ERICH6B: variants seen among roughly 807,000 people sequenced by gnomAD.
ERICH6B encodes glutamate rich 6B.
A neutral mutation model predicts 80.0 loss-of-function variants in ERICH6B; 69 were observed. That is an observed-to-expected ratio of 0.86 (90% confidence interval 0.71 to 1.05). The LOEUF (loss-of-function observed/expected upper bound fraction) is 1.05, where lower values mean the gene tolerates loss of function less well. ERICH6B is among the 50% of genes least tolerant of loss of function. The probability of loss-of-function intolerance (pLI) is 0.00; values close to 1 mark genes in which losing one functional copy is unlikely to be tolerated. For synonymous variants in ERICH6B, 283 were observed against 291.9 expected (o/e 0.97, Z 0.31); for missense variants, 754 against 796.1 (o/e 0.95, Z 0.64).
intron 10 of ERICH6B, 54 bp downstream of exon 10, chr13:45,563,673 G>T: frequency 1.4e-6 from 2 of 1,446,636 alleles, no homozygotes; most frequent in Admixed American, 2.0e-5. Flanking sequence ...GAGAGGCGGT[G>T]GGATGCAGAC....
chr13:45,559,057 T>G (rs929459653), intron 11 of ERICH6B, among the ~76,000 whole-genome samples: 2 of 151,988 alleles, frequency 1.3e-5, no homozygotes, highest in African/African-American at 4.8e-5. Context: ...TAGTAATTTT[T>G]AAAATTACCA....
chr13:45,578,215 A>T (rs1397571019), intron 7 of ERICH6B, among the ~76,000 whole-genome samples: 1 of 152,178 alleles, frequency 6.6e-6, no homozygotes, highest in Non-Finnish European at 1.5e-5. Context: ...CATCTTTAGC[A>T]AGAATCCCAT....
At chr13:45,608,767 T>A (rs192732633) in intron 1 of ERICH6B, among the ~76,000 whole-genome samples, 1 of 152,374 alleles carries the variant, frequency 6.6e-6, no homozygotes, top group East Asian at 1.9e-4. Context: ...GATGAGATAT[T>A]CATTAAGTTA....
chr13:45,566,191 C>T (rs1874905595), intron 9 of ERICH6B, among the ~76,000 whole-genome samples: 1 of 152,228 alleles, frequency 6.6e-6, no homozygotes, highest in Non-Finnish European at 1.5e-5. Flanking sequence ...CAAGAGGTGA[C>T]TTGGGTGCTG....
At chr13:45,575,801 G>A (rs1387129612) in intron 7 of ERICH6B, among the ~76,000 whole-genome samples, 1 of 152,138 alleles carries the variant, frequency 6.6e-6, no homozygotes, top group African/African-American at 2.4e-5. Context: ...GGGAGCCTGG[G>A]TGCAAGCTGA....
chr13:45,579,902 GA>G, intron 7 of ERICH6B, 30 bp downstream of exon 7: 1 of 1,550,968 alleles, frequency 6.4e-7, no homozygotes, highest in Non-Finnish European at 8.7e-7. Context: ...AGAAAGCAGG[GA>G]TCTTTGGATG....
chr13:45,570,463 A>G (rs769918272), intron 8 of ERICH6B, among the ~76,000 whole-genome samples: 2 of 152,200 alleles, frequency 1.3e-5, no homozygotes, highest in Non-Finnish European at 2.9e-5. Flanking sequence ...ACGTGATAGT[A>G]AATTAAAAAT....
intron 5 of ERICH6B, among the ~76,000 whole-genome samples, chr13:45,583,000 A>C (rs1875738072): frequency 6.6e-6 from 1 of 152,160 alleles, no homozygotes. Flanking sequence ...ATTCCTCAAA[A>C]ACCAGAAGCA....
At chr13:45,550,895 C>T (rs1874195275) in intron 11 of ERICH6B, among the ~76,000 whole-genome samples, 1 of 152,176 alleles carries the variant, frequency 6.6e-6, no homozygotes, top group South Asian at 2.1e-4. Context: ...CTCATCTTAA[C>T]TCATTACATC....
At chr13:45,583,691 A>C (rs2138005239) in intron 5 of ERICH6B, among the ~76,000 whole-genome samples, 1 of 152,244 alleles carries the variant, frequency 6.6e-6, no homozygotes, top group South Asian at 2.1e-4. Context: ...AGTGATGAAT[A>C]AGTCTCATGG....
intron 14 of ERICH6B, 36 bp downstream of exon 14, chr13:45,544,719 GCACCC>G: frequency 6.6e-7 from 1 of 1,521,204 alleles, no homozygotes; most frequent in Middle Eastern, 1.8e-4. Context: ...GTACAGGTGG[GCACCC>G]CACCTGGTGG....
chr13:45,608,319 A>G, intron 1 of ERICH6B, among the ~76,000 whole-genome samples: 1 of 152,182 alleles, frequency 6.6e-6, no homozygotes, highest in South Asian at 2.1e-4. Context: ...TGGAGATGGC[A>G]TTTGCTTATT....
intron 2 of ERICH6B, among the ~76,000 whole-genome samples, chr13:45,606,533 ATATATATATATATATTTTTTTTT>A (rs1566307823): frequency 0.2 from 5,924 of 30,240 alleles, 425 homozygotes; most frequent in Non-Finnish European, 0.25. Context: ...ATATATATAT[ATATATATATATATATTTTTTTTT>A]TTTTTTTTTT....
chr13:45,550,283 G>C lies in ERICH6B; in HGVS notation c.1441C>G (p.Pro481Ala). 6.4e-7 allele frequency: 1 copy of C among 1,551,578 alleles called. No homozygotes were observed. The highest frequency in any genetic ancestry group is 1.2e-5 in the South Asian group (1 of 84,052). ...AGAATTTGATAGACATTCTTGTTGG[G>C]GTAGAGAATTAATTTTCCATCACCT... ...HQGDGKLILY[P>A]NKNVYQILFP... The change falls in exon 12 of 15, where the codon CCC becomes GCC. Residue 481 changes from proline (P) to alanine (A), a missense_variant. Coordinates refer to ENST00000298738, the MANE Select transcript of ERICH6B (RefSeq NM_182542.3).
intron 7 of ERICH6B, 106 bp from the exon 8 acceptor site, chr13:45,575,036 C>T (rs1174886881): frequency 2.7e-6 from 2 of 739,612 alleles, no homozygotes; most frequent in African/African-American, 3.6e-5. Context: ...TTTACCTTTG[C>T]CCTTCCAAAA....
Position 45,596,947 on chromosome 13 carries a change from G to T in ERICH6B, c.59C>A (p.Pro20His). ...GASPPHPPTT[P>H]QYSTQNLPSE... is the part of the protein sequence containing the mutation. ...AGGCAAGTTCTGTGTGGAATATTGG[G>T]GAGTTGTGGGAGGGTGAGGAGGTGA... Residue 20 changes from proline (P) to histidine (H), a missense_variant, in exon 3 of 15, where the codon CCC becomes CAC. By Grantham distance (77) the Pro-to-His change is moderately conservative. Transcript: ENST00000298738. 2 of 1,551,752 alleles carry T rather than the reference G, an allele frequency of 1.3e-6. No individual in the cohort carries two copies. The highest frequency in any genetic ancestry group is 1.7e-6 in the Non-Finnish European group (2 of 1,147,004).
At chr13:45,612,262 A>G (rs1412984561) in intron 1 of ERICH6B, among the ~76,000 whole-genome samples, 2 of 152,048 alleles carry the variant, frequency 1.3e-5, no homozygotes, top group Non-Finnish European at 2.9e-5. Context: ...ATAAACATTT[A>G]TTGAGGACTT....
chr13:45,562,869 G>A (rs548737606), intron 10 of ERICH6B, among the ~76,000 whole-genome samples: 1 of 152,334 alleles, frequency 6.6e-6, no homozygotes, highest in South Asian at 2.1e-4. Context: ...TCAGGGGCAT[G>A]AATTGGTACT....
intron 7 of ERICH6B, among the ~76,000 whole-genome samples, chr13:45,577,274 A>G (rs1366502830): frequency 1.8e-5 from 2 of 110,808 alleles, no homozygotes; most frequent in Non-Finnish European, 3.6e-5. Flanking sequence ...TTAAAAACAA[A>G]TCTTTTTTTT....
Sources: gnomAD v4.1 joint callset for allele counts (sites outside exome capture counted in the v4.1 genomes callset) on GRCh38, gnomAD v4.1.1 for gene constraint, MANE v1.5 for transcripts, NCBI Gene and HGNC (gene_info 2026-07-23, HGNC 2026-07-21) for gene names.